SLC36A1: variants seen among roughly 807,000 people sequenced by gnomAD.
SLC36A1 encodes proton-coupled amino acid transporter 1.
Under a neutral mutation model 47.5 loss-of-function variants are expected in SLC36A1, and 30 were observed. The ratio of observed to expected loss-of-function variants is 0.63; its 90% confidence interval spans 0.47 to 0.86. The LOEUF (loss-of-function observed/expected upper bound fraction) is 0.86, where lower values mean the gene tolerates loss of function less well. Ranked by LOEUF, SLC36A1 falls within the 40% of genes least tolerant of loss-of-function variation. The pLI is 0.00. For missense variants in SLC36A1, 517 were observed against 606.0 expected (o/e 0.85, Z 1.54); for synonymous variants, 255 against 249.7 (o/e 1.02, Z -0.20).
the SLC36A1 span, among the ~76,000 whole-genome samples, chr5:151,430,323 C>T: frequency 8.9e-6 from 1 of 112,242 alleles, no homozygotes; most frequent in African/African-American, 4.1e-5. Context: ...CGCCACCACA[C>T]CTGGCTAATT....
chr5:151,344,937 G>A, the SLC36A1 span, among the ~76,000 whole-genome samples: 1 of 152,246 alleles, frequency 6.6e-6, no homozygotes, highest in East Asian at 1.9e-4. Context: ...GTCTGGCGGG[G>A]CATAACCATT....
chr5:151,417,316 A>G, the SLC36A1 span, among the ~76,000 whole-genome samples: 1 of 152,220 alleles, frequency 6.6e-6, no homozygotes, highest in African/African-American at 2.4e-5. Flanking sequence ...TTTGACCAAA[A>G]TACTGACAGT....
At chr5:151,476,832 C>G (rs989212120) in intron 9 of SLC36A1, 76 bp downstream of exon 9, 1 of 1,543,670 alleles carries the variant, frequency 6.5e-7, no homozygotes, top group East Asian at 2.3e-5. Context: ...TGGATTCTCC[C>G]TCTTACTTAT....
chr5:151,537,916 C>T, the SLC36A1 span: 4 of 1,614,092 alleles, frequency 2.5e-6, no homozygotes, highest in Non-Finnish European at 3.4e-6. Context: ...CCTGGAAATA[C>T]ATCTTCATGA....
upstream of SLC36A1, among the ~76,000 whole-genome samples, chr5:151,433,246 AT>A (rs1484657950): frequency 0.017 from 184 of 10,674 alleles, 23 homozygotes; most frequent in East Asian, 0.31. Flanking sequence ...ATATATATAT[AT>A]ATATATATAT....
chr5:151,347,222 C>A, the SLC36A1 span: 1 of 1,573,778 alleles, frequency 6.4e-7, no homozygotes. Flanking sequence ...GTCAGACACA[C>A]CCACCTCAGG....
the SLC36A1 span, chr5:151,528,215 G>T: frequency 6.5e-7 from 1 of 1,530,788 alleles, no homozygotes; most frequent in Non-Finnish European, 8.9e-7. Context: ...ATATGTCCCT[G>T]CCCCAGTGAC....
chr5:151,520,961 G>A, the SLC36A1 span, among the ~76,000 whole-genome samples: 3 of 152,218 alleles, frequency 2.0e-5, no homozygotes, highest in Non-Finnish European at 4.4e-5. Flanking sequence ...AAAGTCGCCT[G>A]GTTAGTAAGG....
At chr5:151,555,156 G>A in the SLC36A1 span, among the ~76,000 whole-genome samples, 8 of 152,160 alleles carry the variant, frequency 5.3e-5, no homozygotes, top group African/African-American at 1.9e-4. Context: ...TTCAGAACCA[G>A]TAGCTATTTA....
the SLC36A1 span, among the ~76,000 whole-genome samples, chr5:151,375,233 G>A: frequency 1.3e-5 from 2 of 152,126 alleles, no homozygotes; most frequent in Non-Finnish European, 2.9e-5. Flanking sequence ...GTTGATTTTT[G>A]TATATGGTGA....
rs1581243213 is a variant in SLC36A1 at position 151,492,297 on chromosome 5, C to T, written c.*4043C>T. The T allele has an allele frequency of 6.6e-6, 1 of 152,036 alleles. No homozygotes were observed. The highest frequency in any genetic ancestry group is 2.1e-4 in the South Asian group (1 of 4,822). The allele number at this position is 152,036 out of a possible 1,614,324, so 9.4% of individuals were successfully genotyped here. A position where few individuals can be genotyped will look rare whatever the true frequency, so the allele number is the denominator to read the frequency against. ...TAGCGATGTGGATCATGCCAGAGTT[C>T]GTAGATCCTGTTTTGGGGTTTGCAC... On this transcript the variant is annotated 3_prime_UTR_variant, in exon 11 of 11. Transcript: ENST00000243389.
chr5:151,531,986 A>C, the SLC36A1 span: 18 of 1,613,292 alleles, frequency 1.1e-5, no homozygotes, highest in Middle Eastern at 1.7e-4. The surrounding 1 kb of genome is among the most constrained non-coding windows in gnomAD (Gnocchi z 5.7). Flanking sequence ...AGGGAGACCA[A>C]GGGTGTGATC....
chr5:151,515,441 C>A, the SLC36A1 span, among the ~76,000 whole-genome samples: 1 of 152,118 alleles, frequency 6.6e-6, no homozygotes, highest in Non-Finnish European at 1.5e-5. Context: ...CAGCATAGAC[C>A]CCTCACAACA....
chr5:151,454,644 C>T (rs1372950273), intron 1 of SLC36A1, among the ~76,000 whole-genome samples: 2 of 151,464 alleles, frequency 1.3e-5, no homozygotes, highest in Non-Finnish European at 2.9e-5. Flanking sequence ...CTTGACTCTC[C>T]ACGTACTGAT....
the SLC36A1 span, among the ~76,000 whole-genome samples, chr5:151,538,278 T>C: frequency 6.6e-6 from 1 of 152,220 alleles, no homozygotes; most frequent in Admixed American, 6.5e-5. Context: ...AAGGGACTGC[T>C]ACAATTTCTT....
downstream of SLC36A1, chr5:151,492,473 G>C (rs1760202063): frequency 6.7e-6 from 1 of 150,268 alleles, no homozygotes; most frequent in Admixed American, 6.7e-5. Flanking sequence ...TTATGCCACA[G>C]AGTTCATATG....
At chr5:151,348,817 C>T in the SLC36A1 span, among the ~76,000 whole-genome samples, 11 of 152,258 alleles carry the variant, frequency 7.2e-5, no homozygotes, top group African/African-American at 2.2e-4. Flanking sequence ...CCGAACTCCC[C>T]GCTAGCCAGG....
At chr5:151,352,994 G>T in the SLC36A1 span, among the ~76,000 whole-genome samples, 377 of 152,290 alleles carry the variant, frequency 2.5e-3, 2 homozygotes, top group African/African-American at 8.4e-3. Flanking sequence ...CTGGAATAAG[G>T]GTCTTATGAC....
At chr5:151,546,341 A>T in the SLC36A1 span, 4 of 1,607,338 alleles carry the variant, frequency 2.5e-6, no homozygotes, top group Non-Finnish European at 3.4e-6. Flanking sequence ...CTGTTCCCTG[A>T]AACAGAAGAC....
Sources: gnomAD v4.1 joint callset for allele counts (sites outside exome capture counted in the v4.1 genomes callset) on GRCh38, gnomAD v4.1.1 for gene constraint, Gnocchi (gnomAD v3.1) non-coding constraint, MANE v1.5 for transcripts, NCBI Gene and HGNC (gene_info 2026-07-23, HGNC 2026-07-21) for gene names.